The following MTHFD2L variants were observed in gnomAD, a reference collection of about 807,000 sequenced individuals.
The protein encoded by MTHFD2L is bifunctional methylenetetrahydrofolate dehydrogenase/cyclohydrolase 2, mitochondrial.
In MTHFD2L, 29 loss-of-function variants were observed where a neutral mutation model predicts 34.9. The ratio of observed to expected loss-of-function variants is 0.83; its 90% confidence interval spans 0.62 to 1.13. MTHFD2L has a LOEUF of 1.13. MTHFD2L is among the 50% of genes most tolerant of loss of function. The pLI, the probability that MTHFD2L is intolerant of heterozygous loss-of-function variation, is 0.00. For synonymous variants in MTHFD2L, 167 were observed against 155.7 expected, an observed-to-expected ratio of 1.07 and a Z score of -0.54; for missense variants, 481 against 446.5, an observed-to-expected ratio of 1.08 and a Z score of -0.70.
At chr4:74,250,894 C>T (rs957124183) in intron 6 of MTHFD2L, among the ~76,000 whole-genome samples, 1 of 152,168 alleles carries the variant, frequency 6.6e-6, no homozygotes, top group Admixed American at 6.6e-5. Flanking sequence ...TATGCTGAAG[C>T]CCTTTAAGTG....
chr4:74,277,004 G>A (rs1746743098), intron 6 of MTHFD2L, among the ~76,000 whole-genome samples: 1 of 151,984 alleles, frequency 6.6e-6, no homozygotes, highest in South Asian at 2.1e-4. Flanking sequence ...ACAGAAGTTT[G>A]TAAGTCTGGC....
chr4:74,152,654 T>A (rs568926471), intron 1 of MTHFD2L, among the ~76,000 whole-genome samples: 1 of 152,266 alleles, frequency 6.6e-6, no homozygotes, highest in East Asian at 1.9e-4. Context: ...TAGGTATTTA[T>A]CCTAATGCTC....
intron 6 of MTHFD2L, chr4:74,267,246 G>T (rs1174136666): frequency 1.0e-6 from 1 of 984,542 alleles, no homozygotes; most frequent in Non-Finnish European, 1.2e-6. Context: ...CAAGTGCATT[G>T]GTGTCTGTTT....
chr4:74,165,090 C>T lies in MTHFD2L; in HGVS notation c.143+6809C>T, dbSNP rs573790312. On this transcript the variant is annotated intron_variant, in intron 1 of 7. Transcript: ENST00000325278. Reference sequence around the variant, plus strand: ...ACATTTTTTAGAGTAAAAAGGGGCACGAATGTAATGAAAATTATATATTTG... The same window carrying T: ...ACATTTTTTAGAGTAAAAAGGGGCATGAATGTAATGAAAATTATATATTTG... 4 of 480,812 alleles carry T rather than the reference C, an allele frequency of 8.3e-6. 1 individual carries two copies. The highest frequency in any genetic ancestry group is 9.0e-5 in the South Asian group (1 of 11,070). 29.8% of individuals were successfully genotyped at this position (480,812 alleles called of 1,614,324 possible).
At chr4:74,252,037 A>T (rs1476673830) in intron 6 of MTHFD2L, among the ~76,000 whole-genome samples, 1 of 152,182 alleles carries the variant, frequency 6.6e-6, no homozygotes, top group Non-Finnish European at 1.5e-5. Context: ...TTATGCCCAC[A>T]CAAGTTGGGC....
intron 3 of MTHFD2L, among the ~76,000 whole-genome samples, chr4:74,199,484 A>G (rs564777209): frequency 6.6e-6 from 1 of 152,266 alleles, no homozygotes; most frequent in Non-Finnish European, 1.5e-5. Context: ...ACTGAAACAA[A>G]GACATGACAC....
intron 6 of MTHFD2L, among the ~76,000 whole-genome samples, chr4:74,254,165 G>C (rs972639995): frequency 6.6e-6 from 1 of 151,214 alleles, no homozygotes; most frequent in Non-Finnish European, 1.5e-5. Flanking sequence ...AAAATCTGCA[G>C]AGGGAAATGA....
intron 1 of MTHFD2L, among the ~76,000 whole-genome samples, chr4:74,140,101 A>G (rs1723187803): frequency 6.6e-6 from 1 of 152,092 alleles, no homozygotes; most frequent in African/African-American, 2.4e-5. Context: ...GGATGGATTG[A>G]GCTCAGGAGT....
chr4:74,129,284 A>C (rs1017318092), intron 1 of MTHFD2L, among the ~76,000 whole-genome samples: 3 of 152,124 alleles, frequency 2.0e-5, no homozygotes, highest in African/African-American at 7.2e-5. Flanking sequence ...AAATCAACAG[A>C]ATACACATTC....
intron 1 of MTHFD2L, among the ~76,000 whole-genome samples, chr4:74,144,450 CAAAAAACA>C (rs979228465): frequency 2.8e-4 from 43 of 151,708 alleles, no homozygotes; most frequent in Admixed American, 5.9e-4. Context: ...GAGACTGTCT[CAAAAAACA>C]AAAAAACAAA....
At chr4:74,289,067 A>G (rs1285016472) in intron 7 of MTHFD2L, among the ~76,000 whole-genome samples, 2 of 152,202 alleles carry the variant, frequency 1.3e-5, no homozygotes, top group Admixed American at 6.5e-5. Context: ...GCATTTTTAT[A>G]GTCACTTGGG....
At chr4:74,264,626 A>G (rs1745072626) in intron 6 of MTHFD2L, among the ~76,000 whole-genome samples, 1 of 152,110 alleles carries the variant, frequency 6.6e-6, no homozygotes, top group South Asian at 2.1e-4. Flanking sequence ...TGCTTTATCT[A>G]TATCTGTTAT....
chr4:74,295,724 C>T (rs1209351227), intron 7 of MTHFD2L, among the ~76,000 whole-genome samples: 1 of 152,182 alleles, frequency 6.6e-6, no homozygotes, highest in East Asian at 1.9e-4. Context: ...TCACCTCCTT[C>T]AACTCTGTCT....
At position 74,261,824 on chromosome 4, in the gene MTHFD2L, G is replaced by A. The variant is rs988870730; in HGVS notation, c.806-19601G>A. On this transcript the variant is annotated intron_variant, in intron 6 of 7. Transcript: ENST00000325278. ...TGTGAGCTTGCTACCTAAGTTATAA[G>A]TTACTCAAGCTCTCTGTTCCTCAGT... 4.6e-5 allele frequency among the ~76,000 whole-genome samples: 7 copies of A among 151,972 alleles called. No homozygotes were observed. The East Asian group carries it at 1.2e-3, about 25-fold the overall frequency.
intron 6 of MTHFD2L, among the ~76,000 whole-genome samples, chr4:74,262,303 A>C (rs922546677): frequency 6.6e-6 from 1 of 151,914 alleles, no homozygotes; most frequent in African/African-American, 2.4e-5. Flanking sequence ...ACTTAATAGA[A>C]CTTGGTCATA....
chr4:74,119,646 G>T (rs1045807743), upstream of MTHFD2L, among the ~76,000 whole-genome samples: 12 of 152,162 alleles, frequency 7.9e-5, no homozygotes, highest in African/African-American at 2.7e-4. Flanking sequence ...AGCCGGGCAT[G>T]GTGGCGGGTG....
At chr4:74,209,413 C>T (rs1033848066) in intron 5 of MTHFD2L, among the ~76,000 whole-genome samples, 4 of 152,266 alleles carry the variant, frequency 2.6e-5, no homozygotes, top group African/African-American at 9.6e-5. Context: ...TCTCGTTGTT[C>T]AACTCCCACT....
chr4:74,223,933 C>T (rs1480965480), intron 5 of MTHFD2L: 1 of 152,106 alleles, frequency 6.6e-6, no homozygotes, highest in East Asian at 1.9e-4. Flanking sequence ...CTTCATCACT[C>T]CCCAAATTCC....
intron 3 of MTHFD2L, among the ~76,000 whole-genome samples, chr4:74,191,602 G>A (rs1443425433): frequency 6.6e-6 from 1 of 152,034 alleles, no homozygotes; most frequent in Non-Finnish European, 1.5e-5. Flanking sequence ...CTGGGCTGGA[G>A]TGCATTGGCT....
Sources: gnomAD v4.1 joint callset for allele counts (sites outside exome capture counted in the v4.1 genomes callset) on GRCh38, gnomAD v4.1.1 for gene constraint, MANE v1.5 for transcripts, NCBI Gene and HGNC (gene_info 2026-07-23, HGNC 2026-07-21) for gene names.